Variants in HTRA3 observed in about 807,000 individuals in gnomAD.
HTRA3 encodes HtrA serine peptidase 3, also known as serine protease HTRA3.
Under a neutral mutation model 43.2 loss-of-function variants are expected in HTRA3, and 41 were observed. That is an observed-to-expected ratio of 0.95 (90% confidence interval 0.74 to 1.23). The LOEUF is 1.23. Ranked by LOEUF, HTRA3 falls within the 50% of genes most tolerant of loss-of-function variation. HTRA3 has a pLI of 0.00. For missense variants in HTRA3, 628 were observed against 647.1 expected, an observed-to-expected ratio of 0.97 and a Z score of 0.32; for synonymous variants, 295 against 287.9, an observed-to-expected ratio of 1.02 and a Z score of -0.25.
rs956501315 is a variant in HTRA3, at chr4:8,270,311, G to A, written c.343G>A (p.Gly115Arg). 21 of 1,466,828 alleles carry A rather than the reference G, an allele frequency of 1.4e-5. No individual in the cohort carries two copies. The Admixed American group carries it at 4.4e-4, about 31-fold the overall frequency. The allele number at this position is 1,466,828 out of a possible 1,614,324, so 90.9% of individuals were successfully genotyped here. ...AASRRALQLS[G>R]TPVRQLQKGA... Reference sequence around the variant, plus strand: ...CAGCCGCCGCGCGCTGCAGCTCTCCGGGACGCCCGTGCGCCAGCTGCAGAA... The same window carrying A: ...CAGCCGCCGCGCGCTGCAGCTCTCCAGGACGCCCGTGCGCCAGCTGCAGAA... Residue 115 changes from glycine to arginine, a missense_variant, in exon 1 of 9, where the codon GGG (glycine) becomes AGG (arginine). Coordinates refer to ENST00000307358, the MANE Select transcript of HTRA3 (RefSeq NM_053044.5).
Position 8,269,837 on chromosome 4 carries a change from C to T in HTRA3, c.-132C>T. ...CCTGACGCCCGCCAGCCTGAGCCAC[C>T]GGCGCATGTGACCGCGCGTCCGCCC... On this transcript the variant is annotated 5_prime_UTR_variant, in exon 1 of 9. Transcript: ENST00000307358. The T allele has an allele frequency of 3.8e-6, 1 of 262,970 alleles. No homozygotes were observed. Among genetic ancestry groups the T allele is most frequent in the Non-Finnish European group, 6.0e-6 (1 of 168,040 alleles). 16.3% of individuals were successfully genotyped at this position (262,970 alleles called of 1,614,324 possible).
At chr4:8,298,519 G>GTTT (rs35628356) in intron 6 of HTRA3, among the ~76,000 whole-genome samples, 1 of 148,912 alleles carries the variant, frequency 6.7e-6, no homozygotes, top group Admixed American at 6.7e-5. Flanking sequence ...GATGAAGTCT[G>GTTT]TTTTTTTTTT....
chr4:8,291,100 A>C (rs13132711), intron 3 of HTRA3, among the ~76,000 whole-genome samples: 89,102 of 152,114 alleles, frequency 0.59, 26,525 homozygotes, highest in East Asian at 0.83. Flanking sequence ...GCTCAGCTGC[A>C]CATGATGAGC....
chr4:8,291,540 C>T lies in HTRA3; in HGVS notation c.879C>T (p.Tyr293=), dbSNP rs1380011966. ...GCCTCCGGGACTCCGACATGGACTA[C>T]ATCCAGACGGATGCCATCATCAACG... The part of the protein sequence containing the change: ...ELGLRDSDMD[Y]IQTDAIINYG... The change falls in exon 4 of 9, where the codon TAC becomes TAT. Residue 293 remains tyrosine (Y), a synonymous_variant. Coordinates refer to ENST00000307358, the MANE Select transcript of HTRA3 (RefSeq NM_053044.5). 1.2e-6 allele frequency: 2 copies of T among 1,600,780 alleles called. No homozygotes were observed. Among genetic ancestry groups the T allele is most frequent in the Non-Finnish European group, 1.7e-6 (2 of 1,172,282 alleles).
intron 1 of HTRA3, among the ~76,000 whole-genome samples, chr4:8,277,453 A>G (rs1005948244): frequency 7.3e-6 from 1 of 137,266 alleles, no homozygotes; most frequent in African/African-American, 2.5e-5. Flanking sequence ...GTACACTCCC[A>G]AGGGACTAGC....
At chr4:8,272,371 G>A (rs118181508) in intron 1 of HTRA3, among the ~76,000 whole-genome samples, 1 of 146,374 alleles carries the variant, frequency 6.8e-6, no homozygotes, top group East Asian at 2.0e-4. Flanking sequence ...GGTGCATGGG[G>A]AGCTCAGAAG....
Position 8,279,318 on chromosome 4 carries a change from C to T in HTRA3, c.386-3119C>T, listed in dbSNP as rs1712649547. 6.6e-6 allele frequency among the ~76,000 whole-genome samples: 1 copy of T among 152,212 alleles called. No homozygotes were observed. Among genetic ancestry groups the T allele is most frequent in the African/African-American group, 2.4e-5 (1 of 41,452 alleles). On this transcript the variant is annotated intron_variant, in intron 1 of 8. Transcript: ENST00000307358. This position sits in a 1 kb window ranked among gnomAD's most constrained non-coding sequence, Gnocchi z 7.4. Reference sequence around the variant, plus strand: ...TGTAGTAGAATTTTGATGTTTCCTGCAAGGCTTTTACTTAACGAATATTTC... The same window carrying T: ...TGTAGTAGAATTTTGATGTTTCCTGTAAGGCTTTTACTTAACGAATATTTC...
intron 3 of HTRA3, among the ~76,000 whole-genome samples, chr4:8,290,252 C>G (rs117835697): frequency 6.6e-6 from 1 of 152,228 alleles, no homozygotes; most frequent in African/African-American, 2.4e-5. Context: ...GGCTCCACGT[C>G]GTCCCCATTA....
chr4:8,300,733 T>G (rs1366923279), intron 6 of HTRA3, among the ~76,000 whole-genome samples: 1 of 152,180 alleles, frequency 6.6e-6, no homozygotes, highest in African/African-American at 2.4e-5. Context: ...ATTTCATTGA[T>G]TTACACTCTT....
chr4:8,293,289 G>A (rs546868692), intron 5 of HTRA3, among the ~76,000 whole-genome samples: 1 of 152,340 alleles, frequency 6.6e-6, no homozygotes, highest in African/African-American at 2.4e-5. Context: ...CCAGGAGGCT[G>A]CTCCGCATGG....
At chr4:8,272,358 A>G (rs1712315587) in intron 1 of HTRA3, among the ~76,000 whole-genome samples, 1 of 151,586 alleles carries the variant, frequency 6.6e-6, no homozygotes, top group South Asian at 2.1e-4. Flanking sequence ...ATCCCCAGAG[A>G]CAGGTGCATG....
At chr4:8,277,691 C>T (rs1038436291) in intron 1 of HTRA3, among the ~76,000 whole-genome samples, 3 of 152,214 alleles carry the variant, frequency 2.0e-5, no homozygotes, top group African/African-American at 4.8e-5. Flanking sequence ...AGTGGCAGCA[C>T]GTGAGGCTGC....
chr4:8,281,726 T>C (rs1208767371), intron 1 of HTRA3, among the ~76,000 whole-genome samples: 1 of 152,216 alleles, frequency 6.6e-6, no homozygotes, highest in African/African-American at 2.4e-5. Context: ...CTCAGGCCTG[T>C]GGTCCTGGCA....
chr4:8,296,558 GAGGTGGGGTGC>G lies in HTRA3; in HGVS notation c.1051+2360_1051+2370del. 1.0e-6 allele frequency: 1 copy of G among 984,096 alleles called. No homozygotes were observed. The highest frequency in any genetic ancestry group is 1.2e-6 in the Non-Finnish European group (1 of 828,782). 61.0% of individuals were successfully genotyped at this position (984,096 alleles called of 1,614,324 possible). A position where few individuals can be genotyped will look rare whatever the true frequency, so the allele number is the denominator to read the frequency against. ...TAAGTGCATTTATTATTCTCGTCTG[GAGGTGGGGTGC>G]AGAGGCCTCTGAGGGGCTTTCAGGG... On this transcript the variant is annotated intron_variant, in intron 6 of 8. Transcript: ENST00000307358. The surrounding 1 kb of genome is among the most constrained non-coding windows in gnomAD (Gnocchi z 5.3).
chr4:8,291,047 A>G (rs1713215760), intron 3 of HTRA3, among the ~76,000 whole-genome samples: 2 of 152,236 alleles, frequency 1.3e-5, no homozygotes, highest in Admixed American at 1.3e-4. Flanking sequence ...TTTAGAGGCC[A>G]TGTGACCATC....
chr4:8,302,671 G>T lies in HTRA3; in HGVS notation c.1100+160G>T, dbSNP rs74621439. The stretch of plus-strand genomic sequence containing the variant: ...CCGTTGCTCAGGCCAGTCCTTTTGC[G>T]TGGACCTTTCCCTCTTTGCCTTATA... On this transcript the variant is annotated intron_variant, in intron 7 of 8. Coordinates refer to ENST00000307358, the MANE Select transcript of HTRA3 (RefSeq NM_053044.5). 3.7e-3 allele frequency among the ~76,000 whole-genome samples: 557 copies of T among 152,332 alleles called. 1 individual carries two copies. Among genetic ancestry groups the T allele is most frequent in the African/African-American group, 0.013 (525 of 41,570 alleles).
chr4:8,274,698 T>C (rs546634185), intron 1 of HTRA3, among the ~76,000 whole-genome samples: 1 of 152,170 alleles, frequency 6.6e-6, no homozygotes, highest in Non-Finnish European at 1.5e-5. Flanking sequence ...CAGGGATAAA[T>C]GCGTTTCTGA....
At chr4:8,272,668 G>C (rs1295159208) in intron 1 of HTRA3, among the ~76,000 whole-genome samples, 11 of 152,250 alleles carry the variant, frequency 7.2e-5, no homozygotes. Flanking sequence ...AGGCTCTCCA[G>C]AGGAGGCGCT....
Position 8,291,357 on chromosome 4 carries a change from TTC to T in HTRA3, c.709-6_709-5del. On this transcript the variant is annotated splice_polypyrimidine_tract_variant and intron_variant, in intron 3 of 8. Transcript: ENST00000307358. Reference sequence around the variant, plus strand: ...AAGCCTCCCTCTCTGTGTCTTCTCCTTCTCTCTCCTAGAAAAAGCTCCCTGTG... The same window carrying T: ...AAGCCTCCCTCTCTGTGTCTTCTCCTTCTCTCCTAGAAAAAGCTCCCTGTG... 6.2e-7 allele frequency: 1 copy of T among 1,612,108 alleles called. No homozygotes were observed. Among genetic ancestry groups the T allele is most frequent in the Non-Finnish European group, 8.5e-7 (1 of 1,178,938 alleles).
Sources: allele counts gnomAD v4.1 joint callset (sites outside exome capture counted in the v4.1 genomes callset), GRCh38; gene constraint gnomAD v4.1.1; non-coding constraint Gnocchi (gnomAD v3.1); transcripts MANE v1.5; gene names NCBI Gene and HGNC (gene_info 2026-07-23, HGNC 2026-07-21).